SHC4: variants seen among roughly 807,000 people sequenced by gnomAD.
The protein encoded by SHC4 is SHC adaptor protein 4, also known as SHC-transforming protein 4.
In SHC4, 41 loss-of-function variants were observed where a neutral mutation model predicts 69.4. The ratio of observed to expected loss-of-function variants is 0.59; its 90% confidence interval spans 0.46 to 0.77. The LOEUF is 0.77. Ranked by LOEUF, SHC4 falls within the 30% of genes least tolerant of loss-of-function variation. The pLI, the probability that SHC4 is intolerant of heterozygous loss-of-function variation, is 0.00. For missense variants in SHC4, 777 were observed against 783.8 expected, an observed-to-expected ratio of 0.99 and a Z score of 0.10; for synonymous variants, 318 against 299.3, an observed-to-expected ratio of 1.06 and a Z score of -0.64.
chr15:48,939,006 T>C (rs563573403), intron 1 of SHC4, among the ~76,000 whole-genome samples: 20 of 152,330 alleles, frequency 1.3e-4, no homozygotes, highest in African/African-American at 4.1e-4. Flanking sequence ...ATGTGTTTCA[T>C]AGGGTTATTG....
intron 2 of SHC4, among the ~76,000 whole-genome samples, chr15:48,902,426 G>A (rs769357394): frequency 6.6e-5 from 10 of 152,022 alleles, no homozygotes; most frequent in Non-Finnish European, 1.0e-4. Flanking sequence ...AGGCTGCCTT[G>A]GAAATACAAT....
Position 48,931,995 on chromosome 15 carries a change from G to A in SHC4, c.586-7046C>T, listed in dbSNP as rs1017055553. On this transcript the variant is annotated intron_variant, in intron 1 of 11. Coordinates refer to ENST00000332408, the MANE Select transcript of SHC4 (RefSeq NM_203349.4). ...TTCTGACAATTGATCATCCAGATGC[G>A]TGGGAGTTGGAGATTTCAAGGATGA... Among the ~76,000 whole-genome samples, 8 of 152,094 alleles carry A rather than the reference G, an allele frequency of 5.3e-5. No individual in the cohort carries two copies. In the South Asian group the frequency reaches 6.2e-4, roughly 12 times the overall value.
intron 1 of SHC4, among the ~76,000 whole-genome samples, chr15:48,943,889 T>A (rs1300646829): frequency 6.6e-6 from 1 of 151,928 alleles, no homozygotes; most frequent in Non-Finnish European, 1.5e-5. Flanking sequence ...TCCTCTCACA[T>A]CTCCTTGGGC....
At chr15:48,915,149 C>T (rs1328653664) in intron 2 of SHC4, among the ~76,000 whole-genome samples, 2 of 152,132 alleles carry the variant, frequency 1.3e-5, no homozygotes, top group East Asian at 3.8e-4. Flanking sequence ...AATATTTTTC[C>T]CATTCCGTCG....
At chr15:48,836,413 TG>T (rs1311146358) in intron 10 of SHC4, among the ~76,000 whole-genome samples, 2 of 152,130 alleles carry the variant, frequency 1.3e-5, no homozygotes, top group African/African-American at 4.8e-5. Flanking sequence ...TAATCTTACT[TG>T]GGGTAGCCTT....
At chr15:48,844,092 A>T (rs1165593331) in intron 9 of SHC4, among the ~76,000 whole-genome samples, 2 of 152,190 alleles carry the variant, frequency 1.3e-5, no homozygotes, top group Non-Finnish European at 2.9e-5. Flanking sequence ...AATACAATAA[A>T]ATTCTTAAGA....
chr15:48,925,730 G>T (rs1900842542), intron 1 of SHC4, among the ~76,000 whole-genome samples: 1 of 152,146 alleles, frequency 6.6e-6, no homozygotes, highest in Admixed American at 6.5e-5. Flanking sequence ...GATGCGATTA[G>T]ATCTGTGTTG....
At chr15:48,849,528 G>A (rs1205223840) in intron 9 of SHC4, among the ~76,000 whole-genome samples, 2 of 152,172 alleles carry the variant, frequency 1.3e-5, no homozygotes, top group East Asian at 3.9e-4. Context: ...CACAGTGCCT[G>A]ACCCATGGGA....
intron 5 of SHC4, among the ~76,000 whole-genome samples, chr15:48,871,681 T>C (rs1333959107): frequency 6.6e-6 from 1 of 152,226 alleles, no homozygotes; most frequent in Non-Finnish European, 1.5e-5. Context: ...TTGGTTGATA[T>C]ATCAAGTCCA....
intron 1 of SHC4, among the ~76,000 whole-genome samples, chr15:48,957,987 A>G (rs934173838): frequency 1.3e-5 from 2 of 152,246 alleles, no homozygotes; most frequent in Non-Finnish European, 2.9e-5. Context: ...GAAGAGCTCT[A>G]AGATTCCTCC....
intron 6 of SHC4, among the ~76,000 whole-genome samples, chr15:48,863,298 A>C (rs771755577): frequency 2.0e-5 from 3 of 152,130 alleles, no homozygotes; most frequent in Non-Finnish European, 4.4e-5. Context: ...ATCTTCTTAT[A>C]ATGCGTATCT....
chr15:48,849,663 C>T (rs1347450830), intron 9 of SHC4, among the ~76,000 whole-genome samples: 3 of 152,112 alleles, frequency 2.0e-5, no homozygotes, highest in Admixed American at 6.5e-5. Flanking sequence ...GTTGCAATAC[C>T]ACAAGGCATG....
chr15:48,838,616 G>A (rs1274323793), intron 10 of SHC4, among the ~76,000 whole-genome samples: 1 of 152,120 alleles, frequency 6.6e-6, no homozygotes, highest in Non-Finnish European at 1.5e-5. Context: ...TGTAAAGGAA[G>A]AATTAAATGT....
intron 1 of SHC4, among the ~76,000 whole-genome samples, chr15:48,932,416 T>A (rs1900982739): frequency 6.6e-6 from 1 of 152,128 alleles, no homozygotes; most frequent in Non-Finnish European, 1.5e-5. Context: ...AAAACACCAG[T>A]CTTCAGGAAA....
At chr15:48,894,461 G>A (rs1395726586) in intron 2 of SHC4, among the ~76,000 whole-genome samples, 1 of 152,116 alleles carries the variant, frequency 6.6e-6, no homozygotes, top group Non-Finnish European at 1.5e-5. Context: ...GAGATGTGAA[G>A]GCACATCAAA....
chr15:48,901,156 A>T (rs1900312487), intron 2 of SHC4, among the ~76,000 whole-genome samples: 1 of 152,214 alleles, frequency 6.6e-6, no homozygotes, highest in Admixed American at 6.5e-5. Flanking sequence ...TGTCAAAACC[A>T]TTCTTGGCTG....
chr15:48,878,866 G>A, intron 4 of SHC4: 5 of 811,546 alleles, frequency 6.2e-6, no homozygotes, highest in South Asian at 1.9e-5. Flanking sequence ...TTGTTTTTCA[G>A]AATAGAACAC....
At chr15:48,858,572 T>C (rs758065174) in intron 6 of SHC4, among the ~76,000 whole-genome samples, 14 of 152,146 alleles carry the variant, frequency 9.2e-5, no homozygotes, top group Admixed American at 2.6e-4. Context: ...CACAAATGAG[T>C]AAGCAAATCT....
At chr15:48,961,870 A>C (rs540609646) in intron 1 of SHC4, among the ~76,000 whole-genome samples, 12 of 152,318 alleles carry the variant, frequency 7.9e-5, no homozygotes, top group African/African-American at 2.9e-4. Flanking sequence ...AAGGCAATAA[A>C]TGTGCACCGG....
Sources: gnomAD v4.1 joint callset for allele counts (sites outside exome capture counted in the v4.1 genomes callset) on GRCh38, gnomAD v4.1.1 for gene constraint, MANE v1.5 for transcripts, NCBI Gene and HGNC (gene_info 2026-07-23, HGNC 2026-07-21) for gene names.